Variants in C4orf50 observed in about 807,000 individuals in gnomAD.
C4orf50 encodes uncharacterized protein C4orf50.
Under a neutral mutation model 77.2 loss-of-function variants are expected in C4orf50, and 80 were observed. The observed-to-expected ratio is 1.04, with a 90% CI of 0.87 to 1.25. The LOEUF is 1.25. Ranked by LOEUF, C4orf50 falls within the 50% of genes most tolerant of loss-of-function variation. The pLI is 0.00. For missense variants in C4orf50, 1,257 were observed against 1,152.9 expected, an observed-to-expected ratio of 1.09 and a Z score of -1.31; for synonymous variants, 532 against 465.3, an observed-to-expected ratio of 1.14 and a Z score of -1.84.
chr4:5,921,184 G>A (rs931482296), intron 7 of C4orf50, among the ~76,000 whole-genome samples: 3 of 152,242 alleles, frequency 2.0e-5, no homozygotes, highest in African/African-American at 7.2e-5. Flanking sequence ...GATGACAGGT[G>A]TCCGGCGGGG....
At chr4:5,956,801 C>T (rs1456398157), downstream of C4orf50, 1 of 152,284 alleles carries the variant, frequency 6.6e-6, no homozygotes, top group Non-Finnish European at 1.5e-5. Flanking sequence ...CAGGCTGGAC[C>T]GTCTGGCTGG....
downstream of C4orf50, among the ~76,000 whole-genome samples, chr4:5,952,453 C>A (rs907010584): frequency 6.6e-6 from 1 of 152,196 alleles, no homozygotes; most frequent in Non-Finnish European, 1.5e-5. The surrounding 1 kb of genome is among the most constrained non-coding windows in gnomAD (Gnocchi z 4.4). Context: ...CAGGGCGAAG[C>A]GCATGAGCAC....
At position 5,901,244 on chromosome 4, in the gene C4orf50, A is replaced by C. The variant is rs1276291670; in HGVS notation, c.*2475-3056T>G. On this transcript the variant is annotated intron_variant, in intron 7 of 7. Coordinates refer to the C4orf50 transcript ENST00000324058. This position sits in a 1 kb window ranked among gnomAD's most constrained non-coding sequence, Gnocchi z 4.4. The stretch of plus-strand genomic sequence containing the variant: ...GTTCATAATGGCACACAGTAGGTGT[A>C]TAATAAATGTGCATTATATTAATGA... 1 of 152,266 alleles carries C rather than the reference A, an allele frequency of 6.6e-6. No homozygotes were observed. The highest frequency in any genetic ancestry group is 2.1e-4 in the South Asian group (1 of 4,838). 9.4% of individuals were successfully genotyped at this position (152,266 alleles called of 1,614,324 possible).
chr4:5,986,851 T>G (rs775617541), intron 28 of C4orf50, among the ~76,000 whole-genome samples: 1 of 152,106 alleles, frequency 6.6e-6, no homozygotes, highest in Non-Finnish European at 1.5e-5. Context: ...CAATGTCATT[T>G]TGAGGCAATT....
rs1194388963 is a variant in C4orf50, at chr4:6,007,730, T to C, written c.963+266A>G. Among the ~76,000 whole-genome samples, 1 of 150,346 alleles carries C rather than the reference T, an allele frequency of 6.7e-6. No homozygotes were observed. The highest frequency in any genetic ancestry group is 1.5e-5 in the Non-Finnish European group (1 of 67,804). ...TAGATGGATGGATGATGGGCAAGTGTGTGCATCTGAGGATGGACAGGTGAG... is the reference window on the plus strand; with the variant it reads ...TAGATGGATGGATGATGGGCAAGTGCGTGCATCTGAGGATGGACAGGTGAG... On this transcript the variant is annotated intron_variant, in intron 25 of 33. Transcript: ENST00000531445. The surrounding 1 kb of genome is among the most constrained non-coding windows in gnomAD (Gnocchi z 4.1).
Position 5,916,487 on chromosome 4 carries a change from A to G in C4orf50, c.*2475-18299T>C, listed in dbSNP as rs1717033925. ...ATCGCAGCCCACTCCCTTCTTCCCC[A>G]GGACACAGAGGAGAACCAGGTTGCC... is the stretch of plus-strand genomic sequence containing the variant. On this transcript the variant is annotated intron_variant, in intron 7 of 7. Transcript: ENST00000324058. The surrounding 1 kb of genome is among the most constrained non-coding windows in gnomAD (Gnocchi z 4.4). Among the ~76,000 whole-genome samples the G allele has an allele frequency of 6.6e-6, 1 of 152,140 alleles. No individual in the cohort carries two copies. The highest frequency in any genetic ancestry group is 1.5e-5 in the Non-Finnish European group (1 of 68,032).
In C4orf50 at chr4:5,965,086, CTG is replaced by C; in HGVS notation, c.4211_4212del (p.Ser1404Ter). 1 of 1,613,778 alleles carries C rather than the reference CTG, an allele frequency of 6.2e-7. No homozygotes were observed. The highest frequency in any genetic ancestry group is 1.1e-5 in the South Asian group (1 of 90,990). ...TCCGGCTCGGGAATAGGCCAGGACT[CTG>C]AAGACAATGAGCTTTGGAGGACACT... On this transcript the variant is annotated frameshift_variant, in exon 33 of 34. Coordinates refer to ENST00000531445, the Ensembl canonical transcript of C4orf50. LOFTEE classifies it high-confidence loss of function.
chr4:5,954,617 C>A (rs1023715397), downstream of C4orf50, among the ~76,000 whole-genome samples: 2 of 152,108 alleles, frequency 1.3e-5, no homozygotes, highest in African/African-American at 4.8e-5. The surrounding 1 kb of genome is among the most constrained non-coding windows in gnomAD (Gnocchi z 4.7). Flanking sequence ...GGGGAGGGCT[C>A]TGGAGTGTGA....
At chr4:5,920,910 C>T (rs1281383323) in intron 7 of C4orf50, among the ~76,000 whole-genome samples, 1 of 152,230 alleles carries the variant, frequency 6.6e-6, no homozygotes, top group African/African-American at 2.4e-5. Context: ...TCTCACTGGT[C>T]AGGGCAGAAT....
chr4:5,963,025 G>A (rs577800586), intron 33 of C4orf50, among the ~76,000 whole-genome samples: 1 of 135,974 alleles, frequency 7.4e-6, no homozygotes, highest in South Asian at 2.4e-4. Flanking sequence ...TTTTTGAGAT[G>A]GAGTCTCGCT....
intron 7 of C4orf50, among the ~76,000 whole-genome samples, chr4:5,915,751 A>G (rs1283523805): frequency 6.6e-6 from 1 of 152,230 alleles, no homozygotes; most frequent in East Asian, 1.9e-4. Flanking sequence ...GCTCGTTTCA[A>G]TAGGATGTGT....
Position 6,008,869 on chromosome 4 carries a change from A to G in C4orf50, c.427-337T>C, listed in dbSNP as rs1470608633. ...CGCTGGAGATGTCCGGATACTGAATACGTCCGCACCTGAGTGCACACAGCT... is the reference window on the plus strand; with the variant it reads ...CGCTGGAGATGTCCGGATACTGAATGCGTCCGCACCTGAGTGCACACAGCT... On this transcript the variant is annotated intron_variant, in intron 24 of 33. Transcript: ENST00000531445. This position sits in a 1 kb window ranked among gnomAD's most constrained non-coding sequence, Gnocchi z 6.0. Among the ~76,000 whole-genome samples the G allele has an allele frequency of 6.6e-6, 1 of 152,134 alleles. No homozygotes were observed. The highest frequency in any genetic ancestry group is 1.5e-5 in the Non-Finnish European group (1 of 68,026).
At chr4:5,993,452 C>A (rs905279189) in intron 26 of C4orf50, among the ~76,000 whole-genome samples, 2 of 152,218 alleles carry the variant, frequency 1.3e-5, no homozygotes, top group African/African-American at 4.8e-5. Context: ...CACAGATGCC[C>A]AGTTGGCCGC....
rs1459195392 is a variant in C4orf50 at position 5,932,822 on chromosome 4, T to C, written c.*2474+24079A>G. On this transcript the variant is annotated intron_variant, in intron 7 of 7. Transcript: ENST00000324058. The surrounding 1 kb of genome is among the most constrained non-coding windows in gnomAD (Gnocchi z 4.2). ...AAGGCATCTTTTTTGAACTTCAGTT[T>C]CCTTCTGCACAGAGGAGAATATTAC... Among the ~76,000 whole-genome samples, 1 of 152,206 alleles carries C rather than the reference T, an allele frequency of 6.6e-6. No homozygotes were observed. Among genetic ancestry groups the C allele is most frequent in the African/African-American group, 2.4e-5 (1 of 41,454 alleles).
intron 7 of C4orf50, among the ~76,000 whole-genome samples, chr4:5,940,888 T>G (rs555819809): frequency 6.6e-6 from 1 of 152,242 alleles, no homozygotes; most frequent in Admixed American, 6.5e-5. Context: ...GGAGCAGAAA[T>G]GAGCATTCTA....
intron 7 of C4orf50, chr4:5,903,553 G>A (rs1403463410): frequency 2.0e-5 from 3 of 152,182 alleles, no homozygotes. Context: ...AAAGGACAAA[G>A]ACTGTATGAT....
At position 6,007,687 on chromosome 4, in the gene C4orf50, G is replaced by A. The variant is rs925072735; in HGVS notation, c.963+309C>T. On this transcript the variant is annotated intron_variant, in intron 25 of 33. Coordinates refer to ENST00000531445, the Ensembl canonical transcript of C4orf50. This position sits in a 1 kb window ranked among gnomAD's most constrained non-coding sequence, Gnocchi z 4.1. Reference sequence around the variant, plus strand: ...ATGGCAAAATGATGGTGGGTAGGTGGGCGAGTGGTTGGATAGGTAGATGGA... The same window carrying A: ...ATGGCAAAATGATGGTGGGTAGGTGAGCGAGTGGTTGGATAGGTAGATGGA... Among the ~76,000 whole-genome samples the A allele has an allele frequency of 3.3e-5, 5 of 152,084 alleles. No homozygotes were observed. The highest frequency in any genetic ancestry group is 5.9e-5 in the Non-Finnish European group (4 of 68,028).
chr4:5,945,913 G>A (rs899433160), intron 7 of C4orf50, among the ~76,000 whole-genome samples: 10 of 152,234 alleles, frequency 6.6e-5, no homozygotes, highest in South Asian at 4.1e-4. Flanking sequence ...CAAGGATGAC[G>A]TCCCTGGCTC....
chr4:5,989,845 T>G, exon 28 of C4orf50: 1 of 1,465,268 alleles, frequency 6.8e-7, no homozygotes, highest in South Asian at 1.4e-5. Flanking sequence ...TGCTTCTTGA[T>G]GCGGCATCTC....
Sources: gnomAD v4.1 joint callset for allele counts (sites outside exome capture counted in the v4.1 genomes callset) on GRCh38, gnomAD v4.1.1 for gene constraint, Gnocchi (gnomAD v3.1) non-coding constraint, MANE v1.5 for transcripts, NCBI Gene and HGNC (gene_info 2026-07-23, HGNC 2026-07-21) for gene names.